Variants in ARL15 observed in about 807,000 individuals in gnomAD.
The protein encoded by ARL15 is ARF like GTPase 15.
ARL15 carries 19 observed loss-of-function variants against 25.2 expected under a neutral mutation model. The observed-to-expected ratio is 0.75, with a 90% CI of 0.53 to 1.10. The LOEUF is 1.10. ARL15 is among the 50% of genes least tolerant of loss of function. The pLI is 0.00. For missense variants in ARL15, 220 were observed against 246.0 expected, an observed-to-expected ratio of 0.89 and a Z score of 0.71; for synonymous variants, 94 against 86.8, an observed-to-expected ratio of 1.08 and a Z score of -0.46.
chr5:54,207,423 G>A (rs542916690), intron 1 of ARL15, among the ~76,000 whole-genome samples: 63 of 152,120 alleles, frequency 4.1e-4, no homozygotes, highest in Non-Finnish European at 8.4e-4. Context: ...CTACAGAATT[G>A]TTCACACTGC....
chr5:53,949,251 T>A (rs907419629), intron 4 of ARL15, among the ~76,000 whole-genome samples: 2 of 152,186 alleles, frequency 1.3e-5, no homozygotes, highest in Non-Finnish European at 2.9e-5. Context: ...GTTTATAGAC[T>A]AGCTTTGTAA....
chr5:53,926,247 G>A (rs922575631), intron 4 of ARL15, among the ~76,000 whole-genome samples: 2 of 152,128 alleles, frequency 1.3e-5, no homozygotes, highest in Admixed American at 1.3e-4. Context: ...CCACAGGGCT[G>A]CAGAGATGCG....
chr5:53,889,970 G>A (rs896749394), intron 4 of ARL15, among the ~76,000 whole-genome samples: 1 of 151,988 alleles, frequency 6.6e-6, no homozygotes, highest in African/African-American at 2.4e-5. Flanking sequence ...CTGCCACCAG[G>A]CCCAGCTAAT....
At chr5:53,954,777 C>T (rs1747089381) in intron 4 of ARL15, among the ~76,000 whole-genome samples, 3 of 152,140 alleles carry the variant, frequency 2.0e-5, no homozygotes, top group Non-Finnish European at 1.5e-5. Flanking sequence ...TAGGACCACA[C>T]TGCCTCTTTG....
At chr5:53,895,859 A>G (rs1744854524) in intron 4 of ARL15, among the ~76,000 whole-genome samples, 2 of 152,170 alleles carry the variant, frequency 1.3e-5, no homozygotes, top group Non-Finnish European at 2.9e-5. Flanking sequence ...AACATCCCCA[A>G]GTGGTTGAGA....
chr5:54,069,792 G>A (rs913045332), intron 4 of ARL15, among the ~76,000 whole-genome samples: 4 of 151,520 alleles, frequency 2.6e-5, no homozygotes, highest in South Asian at 2.1e-4. Context: ...TCCTGCCTCC[G>A]TCTCCCGAGT....
chr5:54,093,348 A>G (rs567680499), intron 4 of ARL15, among the ~76,000 whole-genome samples: 5 of 152,200 alleles, frequency 3.3e-5, no homozygotes, highest in Non-Finnish European at 5.9e-5. Context: ...CTGAAAGACC[A>G]AAGAAAGCAC....
Position 54,140,461 on chromosome 5 carries a change from T to TAGAGATAG in ARL15, c.253+14118_253+14119insCTATCTCT, listed in dbSNP as rs1554043184. The stretch of plus-strand genomic sequence containing the variant: ...ATAGATAGATAGATAGATAGATAGA[T>TAGAGATAG]AGATAGAGATAGAGATAGAGATATG... On this transcript the variant is annotated intron_variant, in intron 3 of 4. Coordinates refer to ENST00000504924, the MANE Select transcript of ARL15 (RefSeq NM_019087.3). 8.1e-5 allele frequency among the ~76,000 whole-genome samples: 10 copies of TAGAGATAG among 123,574 alleles called. No homozygotes were observed. The East Asian group carries it at 9.7e-4, about 12-fold the overall frequency. The allele number at this position is 123,574 out of a possible 152,430, so 81.1% of individuals were successfully genotyped here. A position where few individuals can be genotyped will look rare whatever the true frequency, so the allele number is the denominator to read the frequency against.
intron 1 of ARL15, among the ~76,000 whole-genome samples, chr5:54,230,686 C>T (rs919465953): frequency 6.6e-5 from 10 of 152,158 alleles, no homozygotes; most frequent in Non-Finnish European, 1.3e-4. Context: ...CCCTGTAATC[C>T]TGTCCTCTCC....
intron 1 of ARL15, among the ~76,000 whole-genome samples, chr5:54,173,492 A>G (rs1754780989): frequency 6.6e-6 from 1 of 152,112 alleles, no homozygotes; most frequent in Non-Finnish European, 1.5e-5. Flanking sequence ...TCTGAGTACT[A>G]ATTGGCTGTC....
At chr5:53,983,330 A>G (rs1748185566) in intron 4 of ARL15, among the ~76,000 whole-genome samples, 1 of 152,150 alleles carries the variant, frequency 6.6e-6, no homozygotes, top group South Asian at 2.1e-4. Flanking sequence ...AATTGACTTA[A>G]TCCTCTTGCA....
chr5:54,293,144 A>G (rs1758376617), intron 1 of ARL15, among the ~76,000 whole-genome samples: 1 of 152,216 alleles, frequency 6.6e-6, no homozygotes. Flanking sequence ...GATCAGCTCA[A>G]CATTGCACAG....
chr5:54,272,338 T>C (rs967162386), intron 1 of ARL15, among the ~76,000 whole-genome samples: 1 of 151,986 alleles, frequency 6.6e-6, no homozygotes, highest in Admixed American at 6.6e-5. Context: ...AGGATAATTT[T>C]TAATCATTGA....
At chr5:54,238,920 A>C (rs1756881173) in intron 1 of ARL15, among the ~76,000 whole-genome samples, 1 of 152,208 alleles carries the variant, frequency 6.6e-6, no homozygotes, top group Non-Finnish European at 1.5e-5. Context: ...TTCTAATCTA[A>C]TCCATAGCAA....
At position 54,029,027 on chromosome 5, in the gene ARL15, T is replaced by C. The variant is rs375141934; in HGVS notation, c.462+84175A>G. Among the ~76,000 whole-genome samples, 4 of 142,192 alleles carry C rather than the reference T, an allele frequency of 2.8e-5. No individual in the cohort carries two copies. In the South Asian group the frequency reaches 9.0e-4, roughly 32 times the overall value. The allele number at this position is 142,192 out of a possible 152,430, so 93.3% of individuals were successfully genotyped here. On this transcript the variant is annotated intron_variant, in intron 4 of 4. Coordinates refer to ENST00000504924, the MANE Select transcript of ARL15 (RefSeq NM_019087.3). ...CTGGGCAACAGAGTAAACCTCTGTC[T>C]AAAAAAAAAAAAAATTACGAAGAAT...
intron 4 of ARL15, among the ~76,000 whole-genome samples, chr5:54,079,006 A>G (rs962264628): frequency 1.3e-5 from 2 of 152,216 alleles, no homozygotes; most frequent in Non-Finnish European, 2.9e-5. Flanking sequence ...GCATTTCACT[A>G]AAACATCAGA....
At chr5:54,148,453 G>A (rs971924143) in intron 3 of ARL15, among the ~76,000 whole-genome samples, 12 of 152,282 alleles carry the variant, frequency 7.9e-5, no homozygotes, top group East Asian at 1.9e-4. Flanking sequence ...TGCATGGGCC[G>A]AAGCAAACGA....
chr5:54,202,464 A>G (rs1379363816), intron 1 of ARL15, among the ~76,000 whole-genome samples: 1 of 152,190 alleles, frequency 6.6e-6, no homozygotes, highest in Non-Finnish European at 1.5e-5. Context: ...TTGAAAATGA[A>G]AAGGGGCCAA....
At position 54,310,459 on chromosome 5, in the gene ARL15, AG is replaced by A; in HGVS notation, c.20del (p.Thr7MetfsTer32). The A allele has an allele frequency of 6.2e-7, 1 of 1,608,650 alleles. No individual in the cohort carries two copies. ...GATAATCCATGTACAGAAACGCCTC[AG>A]TTATTCGGAGATCAGACATCCGGCA... The part of the protein sequence containing the change: MSDLRI[T>X]EAFLYMDYLC... On this transcript the variant is annotated frameshift_variant, in exon 1 of 5. Coordinates refer to ENST00000504924, the MANE Select transcript of ARL15 (RefSeq NM_019087.3). LOFTEE classifies it high-confidence loss of function.
Sources: allele counts gnomAD v4.1 joint callset (sites outside exome capture counted in the v4.1 genomes callset), GRCh38; gene constraint gnomAD v4.1.1; transcripts MANE v1.5; gene names NCBI Gene and HGNC (gene_info 2026-07-23, HGNC 2026-07-21).